RANBP2: variants seen among roughly 807,000 people sequenced by gnomAD.
RANBP2 encodes RAN binding protein 2, also known as E3 SUMO-protein ligase RanBP2.
In RANBP2, 57 loss-of-function variants were observed where a neutral mutation model predicts 303.6. That is an observed-to-expected ratio of 0.19 (90% CI 0.15 to 0.23). The LOEUF (loss-of-function observed/expected upper bound fraction) is 0.23, where lower values mean the gene tolerates loss of function less well. Among genes scored for constraint, RANBP2 ranks in the 10% least tolerant of loss-of-function variants. The pLI is 1.00. For synonymous variants in RANBP2, 1,167 were observed against 1,301.5 expected (o/e 0.90, Z 2.23); for missense variants, 3,138 against 3,780.8 (o/e 0.83, Z 4.46).
chr2:109,485,038 G>A, the RANBP2 span, among the ~76,000 whole-genome samples: 65 of 152,332 alleles, frequency 4.3e-4, no homozygotes, highest in African/African-American at 1.4e-3. Flanking sequence ...ACCCATCAGC[G>A]TGTGCAGCGC....
the RANBP2 span, among the ~76,000 whole-genome samples, chr2:109,474,963 G>A: frequency 3.3e-5 from 5 of 151,232 alleles, no homozygotes; most frequent in Admixed American, 3.3e-4. Context: ...GTTTTGTTTG[G>A]GTTTTTTTTG....
At chr2:109,257,281 G>C in the RANBP2 span, among the ~76,000 whole-genome samples, 1 of 151,954 alleles carries the variant, frequency 6.6e-6, no homozygotes, top group Admixed American at 6.6e-5. Flanking sequence ...AAAGTCAGCT[G>C]TTTCTGCTTT....
chr2:109,568,114 A>C, the RANBP2 span: 1 of 638,002 alleles, frequency 1.6e-6, no homozygotes, highest in Non-Finnish European at 2.7e-6. Flanking sequence ...ACTACGGTCC[A>C]TCTCGCTGTT....
the RANBP2 span, among the ~76,000 whole-genome samples, chr2:109,747,802 T>C: frequency 7.0e-6 from 1 of 142,302 alleles, no homozygotes; most frequent in Non-Finnish European, 1.5e-5. Flanking sequence ...AGTTTGGTAG[T>C]AATTTGAATG....
the RANBP2 span, chr2:109,615,315 T>G: frequency 6.2e-7 from 1 of 1,608,502 alleles, no homozygotes; most frequent in Non-Finnish European, 8.5e-7. Context: ...GCTCTCTGCC[T>G]CCGATGGCAA....
At chr2:109,433,640 T>G in the RANBP2 span, among the ~76,000 whole-genome samples, 1 of 152,366 alleles carries the variant, frequency 6.6e-6, no homozygotes, top group African/African-American at 2.4e-5. Flanking sequence ...GGCTGATTGC[T>G]ACTTGCAGAG....
chr2:108,766,540 G>A lies in RANBP2; in HGVS notation c.6001G>A (p.Asp2001Asn). Residue 2001 changes from aspartate to asparagine, a missense_variant, in exon 20 of 29, where the codon GAT becomes AAT. Coordinates refer to ENST00000283195, the MANE Select transcript of RANBP2 (RefSeq NM_006267.5). ...TTCCGGTGACTTTGAGAAAGATGAT[G>A]ATGCCTATAAGACTGAGGACAGCGA... is the stretch of plus-strand genomic sequence containing the variant. Reference protein sequence around the residue: ...NTSGDFEKDDDAYKTEDSDDI... With the variant: ...NTSGDFEKDDNAYKTEDSDDI... 2 of 1,611,964 alleles carry A rather than the reference G, an allele frequency of 1.2e-6. No individual in the cohort carries two copies. Among genetic ancestry groups the A allele is most frequent in the South Asian group, 2.2e-5 (2 of 90,980 alleles).
chr2:109,179,849 C>T, the RANBP2 span, among the ~76,000 whole-genome samples: 259 of 152,304 alleles, frequency 1.7e-3, 1 homozygote, highest in African/African-American at 5.3e-3. Context: ...GGCTAAACCA[C>T]GCTGTCTCTT....
the RANBP2 span, among the ~76,000 whole-genome samples, chr2:109,627,107 A>G: frequency 6.6e-6 from 1 of 152,070 alleles, no homozygotes; most frequent in African/African-American, 2.4e-5. Flanking sequence ...ATAGTGTGCA[A>G]TGATCACACA....
the RANBP2 span, among the ~76,000 whole-genome samples, chr2:109,775,079 G>A: frequency 4.2e-5 from 1 of 23,846 alleles, no homozygotes; most frequent in African/African-American, 1.3e-4. Flanking sequence ...TCTGTACAAA[G>A]TCAGACCATC....
At chr2:108,786,970 G>T (rs558688846), downstream of RANBP2, 12 of 1,256,066 alleles carry the variant, frequency 9.6e-6, no homozygotes, top group East Asian at 3.8e-4. Context: ...GGGGCGGCCC[G>T]CTCCGTGCCC....
chr2:109,101,476 C>T, the RANBP2 span, among the ~76,000 whole-genome samples: 1 of 151,876 alleles, frequency 6.6e-6, no homozygotes, highest in African/African-American at 2.4e-5. Flanking sequence ...GTAGTTGAGC[C>T]GAGATCACCC....
chr2:109,673,926 A>G, the RANBP2 span, among the ~76,000 whole-genome samples: 2 of 151,926 alleles, frequency 1.3e-5, no homozygotes, highest in African/African-American at 2.4e-5. Flanking sequence ...CATAGCTTCT[A>G]GTGGTTTTAA....
At chr2:108,845,062 G>A in the RANBP2 span, among the ~76,000 whole-genome samples, 1 of 151,682 alleles carries the variant, frequency 6.6e-6, no homozygotes, top group Non-Finnish European at 1.5e-5. Context: ...TTTTTTTCAA[G>A]TTTATTTTTT....
the RANBP2 span, among the ~76,000 whole-genome samples, chr2:109,208,085 G>A: frequency 1.3e-5 from 2 of 150,498 alleles, no homozygotes; most frequent in Non-Finnish European, 2.9e-5. Flanking sequence ...CCTGTGCTGG[G>A]CACAGTGCTG....
the RANBP2 span, among the ~76,000 whole-genome samples, chr2:108,943,177 G>A: frequency 4.6e-5 from 7 of 152,064 alleles, no homozygotes; most frequent in Non-Finnish European, 1.0e-4. Context: ...AAGAGAATTC[G>A]TTTCTTCGTC....
At chr2:109,064,438 A>G in the RANBP2 span, among the ~76,000 whole-genome samples, 4 of 123,376 alleles carry the variant, frequency 3.2e-5, no homozygotes, top group African/African-American at 1.2e-4. Context: ...CCTGGGTGAC[A>G]GAGCAAGACT....
At chr2:108,848,838 T>C in the RANBP2 span, among the ~76,000 whole-genome samples, 1 of 152,188 alleles carries the variant, frequency 6.6e-6, no homozygotes, top group Admixed American at 6.5e-5. Context: ...AAATTGGCAC[T>C]TCATATTATG....
the RANBP2 span, among the ~76,000 whole-genome samples, chr2:109,268,358 C>T: frequency 6.6e-6 from 1 of 151,906 alleles, no homozygotes; most frequent in Non-Finnish European, 1.5e-5. Flanking sequence ...TCCAAGGACC[C>T]TTAGTGGGGA....
Sources: gnomAD v4.1 joint callset for allele counts (sites outside exome capture counted in the v4.1 genomes callset) on GRCh38, gnomAD v4.1.1 for gene constraint, MANE v1.5 for transcripts, NCBI Gene and HGNC (gene_info 2026-07-23, HGNC 2026-07-21) for gene names.